Variants in OLA1 observed in about 807,000 individuals in gnomAD.
OLA1 encodes the protein Obg like ATPase 1, also known as obg-like ATPase 1.
A neutral mutation model predicts 48.4 loss-of-function variants in OLA1; 14 were observed. The ratio of observed to expected loss-of-function variants is 0.29; its 90% CI spans 0.19 to 0.45. OLA1 has a LOEUF of 0.45. Among genes scored for constraint, OLA1 ranks in the 20% least tolerant of loss-of-function variants. The pLI is 1.00. For synonymous variants in OLA1, 127 were observed against 150.4 expected, an observed-to-expected ratio of 0.84 and a Z score of 1.14; for missense variants, 325 against 467.1, an observed-to-expected ratio of 0.70 and a Z score of 2.80.
At chr2:174,173,802 C>T (rs760087355) in intron 4 of OLA1, among the ~76,000 whole-genome samples, 15 of 151,772 alleles carry the variant, frequency 9.9e-5, no homozygotes, top group Non-Finnish European at 1.9e-4. Flanking sequence ...ATTCTAACAT[C>T]ACAAAGGAAA....
intron 3 of OLA1, among the ~76,000 whole-genome samples, chr2:174,224,301 G>A (rs2033866): frequency 6.6e-6 from 1 of 152,008 alleles, no homozygotes; most frequent in Non-Finnish European, 1.5e-5. Flanking sequence ...GTACCTATAC[G>A]GATTTTCATT....
rs1684650040 is a variant in OLA1 at position 174,073,300 on chromosome 2, C to T, written c.*2126G>A. On this transcript the variant is annotated 3_prime_UTR_variant, in exon 11 of 11. Transcript: ENST00000284719. Reference sequence around the variant, plus strand: ...ATAGGTGTGAGCCTCCACGCCTGGCCTCAAATCTCTTTTAACCATAAATTT... The same window carrying T: ...ATAGGTGTGAGCCTCCACGCCTGGCTTCAAATCTCTTTTAACCATAAATTT... The T allele has an allele frequency of 1.3e-5, 2 of 152,086 alleles. No homozygotes were observed. Among genetic ancestry groups the T allele is most frequent in the African/African-American group, 4.8e-5 (2 of 41,418 alleles). 9.4% of individuals were successfully genotyped at this position (152,086 alleles called of 1,614,324 possible). A position where few individuals can be genotyped will look rare whatever the true frequency, so the allele number is the denominator to read the frequency against.
chr2:174,123,051 A>G, intron 7 of OLA1, 129 bp downstream of exon 7: 1 of 573,026 alleles, frequency 1.7e-6, no homozygotes, highest in Non-Finnish European at 3.1e-6. Context: ...TTTCTCATCC[A>G]TTTTAAACTT....
chr2:174,105,439 AAT>A (rs911936592), intron 7 of OLA1, among the ~76,000 whole-genome samples: 10 of 152,034 alleles, frequency 6.6e-5, no homozygotes, highest in African/African-American at 1.2e-4. Context: ...AATGAAAACA[AAT>A]ATAGTTTTTT....
At chr2:174,113,584 C>T (rs926038395) in intron 7 of OLA1, among the ~76,000 whole-genome samples, 4 of 151,950 alleles carry the variant, frequency 2.6e-5, no homozygotes, top group Admixed American at 6.6e-5. Context: ...TGCTTATTAT[C>T]CTAAAAAAAA....
chr2:174,108,657 T>TA (rs1170722185), intron 7 of OLA1, among the ~76,000 whole-genome samples: 1 of 152,188 alleles, frequency 6.6e-6, no homozygotes, highest in Non-Finnish European at 1.5e-5. Context: ...TTTCTCCAGT[T>TA]ACTTTTTATA....
In OLA1 at chr2:174,126,802, CA is replaced by C. The variant is rs377522936; in HGVS notation, c.550-3128del. ...TGAAAGATTAAATCCCAGTGATCTA[CA>C]AAATGGCAATATGTTCTCTTGGGTG... On this transcript the variant is annotated intron_variant, in intron 5 of 10. Transcript: ENST00000284719. Among the ~76,000 whole-genome samples the C allele has an allele frequency of 9.5e-4, 144 of 152,292 alleles. 1 individual carries two copies. The South Asian group carries it at 0.011, about 12-fold the overall frequency.
At chr2:174,247,097 T>G (rs1363059404) in intron 1 of OLA1, 1 of 207,172 alleles carries the variant, frequency 4.8e-6, no homozygotes, top group Non-Finnish European at 9.6e-6. Context: ...GGCTCAGGCC[T>G]GTAATCCCAG....
At chr2:174,203,458 C>T (rs190622616) in intron 4 of OLA1, among the ~76,000 whole-genome samples, 140 of 142,618 alleles carry the variant, frequency 9.8e-4, no homozygotes, top group Middle Eastern at 3.6e-3. Context: ...TACTGTCTAG[C>T]TAACATCTTT....
intron 7 of OLA1, among the ~76,000 whole-genome samples, chr2:174,089,265 A>T (rs1685053594): frequency 6.6e-6 from 1 of 152,246 alleles, no homozygotes; most frequent in African/African-American, 2.4e-5. Context: ...TCTGCACTTT[A>T]ACAAGCTCCC....
intron 7 of OLA1, among the ~76,000 whole-genome samples, chr2:174,106,137 A>T (rs1434504548): frequency 1.9e-4 from 29 of 152,100 alleles, no homozygotes; most frequent in Admixed American, 1.8e-3. Context: ...ACACAAACAA[A>T]ATTAATTTGC....
chr2:174,207,539 T>C (rs1688144872), intron 4 of OLA1, among the ~76,000 whole-genome samples: 1 of 152,208 alleles, frequency 6.6e-6, no homozygotes, highest in Non-Finnish European at 1.5e-5. Context: ...GACCAGCCTA[T>C]GAGTGGTGAA....
At chr2:174,166,638 T>C (rs1014744584) in intron 4 of OLA1, among the ~76,000 whole-genome samples, 19 of 152,222 alleles carry the variant, frequency 1.2e-4, no homozygotes, top group Non-Finnish European at 1.5e-5. Context: ...CTTTTTGTCA[T>C]TTTGCTAAGT....
At chr2:174,211,898 C>A (rs1399597304) in intron 4 of OLA1, among the ~76,000 whole-genome samples, 1 of 152,062 alleles carries the variant, frequency 6.6e-6, no homozygotes, top group Non-Finnish European at 1.5e-5. Flanking sequence ...TCACCTGTTT[C>A]TTTTTAACTT....
At chr2:174,164,953 G>A (rs1265111411) in intron 4 of OLA1, among the ~76,000 whole-genome samples, 1 of 152,184 alleles carries the variant, frequency 6.6e-6, no homozygotes. Context: ...GTGAAATGCA[G>A]GAAGCCATGT....
chr2:174,160,119 C>T (rs1686976648), intron 4 of OLA1, among the ~76,000 whole-genome samples: 1 of 151,974 alleles, frequency 6.6e-6, no homozygotes, highest in African/African-American at 2.4e-5. Flanking sequence ...ATACATTAAT[C>T]ATCAACAAGA....
intron 4 of OLA1, among the ~76,000 whole-genome samples, chr2:174,200,552 A>T (rs1371856967): frequency 6.6e-6 from 1 of 152,202 alleles, no homozygotes; most frequent in Non-Finnish European, 1.5e-5. Context: ...ATGTGGCATC[A>T]AAAGTGCTCA....
chr2:174,189,799 A>C (rs1687734766), intron 4 of OLA1, among the ~76,000 whole-genome samples: 1 of 151,838 alleles, frequency 6.6e-6, no homozygotes, highest in South Asian at 2.1e-4. Context: ...TCAGTATACA[A>C]GTAGGAAATG....
At chr2:174,129,285 C>T (rs924946204) in intron 5 of OLA1, among the ~76,000 whole-genome samples, 2 of 151,966 alleles carry the variant, frequency 1.3e-5, no homozygotes, top group East Asian at 1.9e-4. Flanking sequence ...AGTGAAACCC[C>T]GTCTCTACTA....
Sources: gnomAD v4.1 joint callset for allele counts (sites outside exome capture counted in the v4.1 genomes callset) on GRCh38, gnomAD v4.1.1 for gene constraint, MANE v1.5 for transcripts, NCBI Gene and HGNC (gene_info 2026-07-23, HGNC 2026-07-21) for gene names.